Variants in WWOX observed in about 807,000 individuals in gnomAD.
WWOX encodes WW domain containing oxidoreductase.
A neutral mutation model predicts 46.2 loss-of-function variants in WWOX; 69 were observed. That is an observed-to-expected ratio of 1.49 (90% CI 1.23 to 1.82). WWOX has a LOEUF of 1.82. Among genes scored for constraint, WWOX ranks in the 40% most tolerant of loss-of-function variants. The pLI is 0.00. For synonymous variants in WWOX, 359 were observed against 202.6 expected (o/e 1.77, Z -6.56); for missense variants, 919 against 542.6 (o/e 1.69, Z -6.89).
At chr16:78,812,451 G>A (rs2051214470) in intron 8 of WWOX, among the ~76,000 whole-genome samples, 1 of 152,114 alleles carries the variant, frequency 6.6e-6, no homozygotes, top group African/African-American at 2.4e-5. Context: ...ACTGGGCATG[G>A]TGGCTCCTGC....
At chr16:78,161,893 T>C (rs989839131) in intron 4 of WWOX, among the ~76,000 whole-genome samples, 3 of 152,244 alleles carry the variant, frequency 2.0e-5, no homozygotes, top group Admixed American at 6.5e-5. Flanking sequence ...TAGGATACTT[T>C]GCTTCCATTA....
intron 5 of WWOX, among the ~76,000 whole-genome samples, chr16:78,235,017 A>T (rs2037390075): frequency 1.3e-5 from 2 of 152,064 alleles, no homozygotes; most frequent in Non-Finnish European, 2.9e-5. Flanking sequence ...GGTGGGGGAG[A>T]GGAAAAAGAA....
chr16:78,119,241 T>C (rs1202584547), intron 4 of WWOX, among the ~76,000 whole-genome samples: 2 of 152,226 alleles, frequency 1.3e-5, no homozygotes, highest in East Asian at 1.9e-4. Flanking sequence ...GCAACGGAAA[T>C]GCCTTCAGCA....
chr16:78,904,718 C>G (rs570927987), intron 8 of WWOX, among the ~76,000 whole-genome samples: 113 of 152,286 alleles, frequency 7.4e-4, no homozygotes, highest in African/African-American at 2.7e-3. Context: ...AGGCGTATGT[C>G]AAGATATCTG....
At chr16:78,237,052 TGACA>T (rs2037464470) in intron 5 of WWOX, among the ~76,000 whole-genome samples, 1 of 127,294 alleles carries the variant, frequency 7.9e-6, no homozygotes, top group African/African-American at 3.1e-5. Flanking sequence ...CCAGCCTGGG[TGACA>T]GAGTGAGACT....
intron 8 of WWOX, among the ~76,000 whole-genome samples, chr16:79,111,968 A>G (rs2049425239): frequency 6.6e-6 from 1 of 152,094 alleles, no homozygotes; most frequent in Admixed American, 6.6e-5. Flanking sequence ...GTTGTCTCAT[A>G]GGACCCTGTT....
At chr16:78,196,089 C>G (rs1009877102) in intron 5 of WWOX, among the ~76,000 whole-genome samples, 17 of 152,106 alleles carry the variant, frequency 1.1e-4, no homozygotes, top group East Asian at 1.9e-4. Context: ...ACTGAGAGCA[C>G]TTTTCTGCAG....
At chr16:79,129,829 G>A (rs1469266048) in intron 8 of WWOX, among the ~76,000 whole-genome samples, 1 of 152,174 alleles carries the variant, frequency 6.6e-6, no homozygotes, top group Admixed American at 6.5e-5. Flanking sequence ...TCGAAGGAGG[G>A]TGACAGCCTG....
intron 8 of WWOX, among the ~76,000 whole-genome samples, chr16:78,841,922 C>T (rs369457566): frequency 6.6e-6 from 1 of 152,080 alleles, no homozygotes; most frequent in African/African-American, 2.4e-5. Flanking sequence ...CTTGAGTATC[C>T]TGATCTAATT....
intron 8 of WWOX, among the ~76,000 whole-genome samples, chr16:78,679,605 C>T (rs1474553076): frequency 6.6e-6 from 1 of 152,100 alleles, no homozygotes; most frequent in Non-Finnish European, 1.5e-5. Context: ...GGCTTTTCTC[C>T]CCACCTCTTT....
chr16:78,947,368 T>C (rs2045969522), intron 8 of WWOX, among the ~76,000 whole-genome samples: 1 of 146,076 alleles, frequency 6.8e-6, no homozygotes, highest in South Asian at 2.2e-4. Flanking sequence ...TTTGTTATTT[T>C]TCTCTTCCCC....
At chr16:78,444,062 C>T (rs1456369375) in intron 8 of WWOX, among the ~76,000 whole-genome samples, 1 of 152,150 alleles carries the variant, frequency 6.6e-6, no homozygotes, top group Non-Finnish European at 1.5e-5. Context: ...CTAGCAAAAA[C>T]AAAGAGGGCT....
At chr16:78,535,308 T>C (rs988911225) in intron 8 of WWOX, 1 of 152,242 alleles carries the variant, frequency 6.6e-6, no homozygotes, top group African/African-American at 2.4e-5. Context: ...AAACGCCCTC[T>C]GTCTGAGTCC....
chr16:78,423,180 T>C (rs7206278), intron 6 of WWOX, among the ~76,000 whole-genome samples: 23,246 of 152,176 alleles, frequency 0.15, 2,756 homozygotes, highest in African/African-American at 0.33. Context: ...CCGCCATGCC[T>C]GCCCTTATTT....
At chr16:78,646,499 C>G (rs1478092320) in intron 8 of WWOX, among the ~76,000 whole-genome samples, 5 of 152,094 alleles carry the variant, frequency 3.3e-5, no homozygotes, top group African/African-American at 2.4e-5. Context: ...GTGATCTTAG[C>G]TCACTGCATC....
intron 8 of WWOX, among the ~76,000 whole-genome samples, chr16:78,944,679 G>A (rs2045916122): frequency 6.6e-6 from 1 of 151,998 alleles, no homozygotes; most frequent in South Asian, 2.1e-4. Flanking sequence ...GAGCATGTGG[G>A]GAATGCAAGT....
intron 8 of WWOX, among the ~76,000 whole-genome samples, chr16:78,880,219 G>C (rs186763467): frequency 6.6e-6 from 1 of 152,312 alleles, no homozygotes; most frequent in South Asian, 2.1e-4. Context: ...TGTATTTGCA[G>C]TTTTCTCTCT....
At position 79,085,720 on chromosome 16, in the gene WWOX, A is replaced by G. The variant is rs140057389; in HGVS notation, c.1057-125888A>G. ...ATTCCTTACCAAAACCAGTTACCCTATAGTCAAAAGGCATTCAGAAGTATT... is the reference window on the plus strand; with the variant it reads ...ATTCCTTACCAAAACCAGTTACCCTGTAGTCAAAAGGCATTCAGAAGTATT... On this transcript the variant is annotated intron_variant, in intron 8 of 8. Transcript: ENST00000566780. Among the ~76,000 whole-genome samples the G allele has an allele frequency of 1.5e-3, 233 of 152,258 alleles. 1 individual carries two copies. The highest frequency in any genetic ancestry group is 6.8e-3 in the Middle Eastern group (2 of 294).
intron 8 of WWOX, among the ~76,000 whole-genome samples, chr16:78,715,133 T>C (rs528389803): frequency 7.2e-5 from 11 of 151,986 alleles, no homozygotes; most frequent in Admixed American, 7.2e-4. Context: ...AAAAAGAGAA[T>C]GGATTGTGAT....
Sources: gnomAD v4.1 joint callset for allele counts (sites outside exome capture counted in the v4.1 genomes callset) on GRCh38, gnomAD v4.1.1 for gene constraint, MANE v1.5 for transcripts, NCBI Gene and HGNC (gene_info 2026-07-23, HGNC 2026-07-21) for gene names.